Variants in NDUFS2 observed in about 807,000 individuals in gnomAD.
NDUFS2 encodes NADH dehydrogenase [ubiquinone] iron-sulfur protein 2, mitochondrial.
NDUFS2 carries 38 observed loss-of-function variants against 69.6 expected under a neutral mutation model. The ratio of observed to expected loss-of-function variants is 0.55; its 90% confidence interval spans 0.42 to 0.72. The LOEUF (loss-of-function observed/expected upper bound fraction) is 0.72, where lower values mean the gene tolerates loss of function less well. NDUFS2 is among the 30% of genes least tolerant of loss of function. NDUFS2 has a pLI of 0.00. For missense variants in NDUFS2, 468 were observed against 595.0 expected, an observed-to-expected ratio of 0.79 and a Z score of 2.22; for synonymous variants, 194 against 211.2, an observed-to-expected ratio of 0.92 and a Z score of 0.70.
At chr1:161,207,730 A>G (rs1258100485) in intron 3 of NDUFS2, among the ~76,000 whole-genome samples, 2 of 148,670 alleles carry the variant, frequency 1.3e-5, no homozygotes, top group African/African-American at 2.5e-5. Flanking sequence ...CTGTGTCTCA[A>G]AAAAAAAAAA....
intron 3 of NDUFS2, 59 bp from the exon 4 acceptor site, chr1:161,209,134 A>C: frequency 6.2e-7 from 1 of 1,613,332 alleles, no homozygotes; most frequent in East Asian, 2.2e-5. Flanking sequence ...GGCTTCAGGC[A>C]GCCAGACTGT....
At chr1:161,212,059 T>C (rs1343789331) in intron 9 of NDUFS2, among the ~76,000 whole-genome samples, 4 of 151,696 alleles carry the variant, frequency 2.6e-5, no homozygotes, top group African/African-American at 4.8e-5. Flanking sequence ...ACAAAAAATA[T>C]TCGGATGTGG....
intron 2 of NDUFS2, 83 bp downstream of exon 2, chr1:161,203,626 C>T (rs1263604815): frequency 3.5e-6 from 4 of 1,152,796 alleles, no homozygotes; most frequent in Admixed American, 3.9e-5. Flanking sequence ...GACAGGGTTT[C>T]CCTCTGTCTC....
chr1:161,209,554 G>T lies in NDUFS2; in HGVS notation c.586G>T (p.Ala196Ser). ...AVTTHALDLG[A>S]MTPFFWLFEE... ...GACCACACATGCCCTGGACCTTGGG[G>T]CCATGACCCCTTTCTTCTGGCTGTT... Residue 196 changes from alanine (A) to serine (S), a missense_variant, in exon 5 of 14, where the codon GCC (alanine) becomes TCC (serine). Ala to Ser is a moderately conservative substitution (Grantham distance 99, BLOSUM62 1). Coordinates refer to ENST00000676972, the MANE Select transcript of NDUFS2 (RefSeq NM_001377299.1). The T allele has an allele frequency of 6.2e-7, 1 of 1,613,412 alleles. No individual in the cohort carries two copies.
At chr1:161,206,193 A>G (rs1031087461) in intron 2 of NDUFS2, among the ~76,000 whole-genome samples, 6 of 152,180 alleles carry the variant, frequency 3.9e-5, no homozygotes, top group African/African-American at 1.4e-4. Context: ...TCTAGGAGAC[A>G]TAGAGTGAGA....
At chr1:161,200,912 C>T (rs1428818344), upstream of NDUFS2, among the ~76,000 whole-genome samples, 1 of 152,136 alleles carries the variant, frequency 6.6e-6, no homozygotes. Flanking sequence ...CTGCAGTGTC[C>T]TAGGCAGCCC....
intron 3 of NDUFS2, among the ~76,000 whole-genome samples, chr1:161,207,972 G>T (rs1305736674): frequency 5.1e-5 from 7 of 136,610 alleles, no homozygotes; most frequent in African/African-American, 1.5e-4. Context: ...ACCATGCCTG[G>T]CTAATTTTTT....
Position 161,210,668 on chromosome 1 carries a change from A to T in NDUFS2, c.944A>T (p.Glu315Val). The stretch of plus-strand genomic sequence containing the variant: ...CCCTATGATGTTTACGACCAGGTTG[A>T]GTTTGATGTTCCTGTTGGTTCTCGA... ...TQPYDVYDQVEFDVPVGSRGD... is the reference protein window; with the variant it reads ...TQPYDVYDQVVFDVPVGSRGD... The change falls in exon 9 of 14, where the codon GAG becomes GTG. Residue 315 changes from glutamate (E) to valine (V), a missense_variant. By Grantham distance (121) the Glu-to-Val change is moderately radical. This residue lies in a region of NDUFS2 where 339 missense variants were observed against 433.8 expected (regional missense o/e 0.78). Coordinates refer to ENST00000676972, the MANE Select transcript of NDUFS2 (RefSeq NM_001377299.1). 1 of 1,613,994 alleles carries T rather than the reference A, an allele frequency of 6.2e-7. No individual in the cohort carries two copies. Among genetic ancestry groups the T allele is most frequent in the Non-Finnish European group, 8.5e-7 (1 of 1,180,012 alleles).
chr1:161,213,821 T>C, intron 12 of NDUFS2, 43 bp from the exon 13 acceptor site: 1 of 1,612,784 alleles, frequency 6.2e-7, no homozygotes, highest in Non-Finnish European at 8.5e-7. Context: ...TCCTCCCACC[T>C]TGCAAGTCTT....
At chr1:161,201,216 A>G (rs1665102035), upstream of NDUFS2, among the ~76,000 whole-genome samples, 1 of 152,212 alleles carries the variant, frequency 6.6e-6, no homozygotes, top group African/African-American at 2.4e-5. Context: ...ACCCTTTGGT[A>G]CAGTTCCCAT....
At chr1:161,213,296 T>G (rs1665871893) in intron 10 of NDUFS2, 84 bp from the exon 11 acceptor site, 4 of 847,700 alleles carry the variant, frequency 4.7e-6, no homozygotes, top group East Asian at 5.2e-5. Context: ...TCCCTGAGGG[T>G]AGAGATTATT....
upstream of NDUFS2, among the ~76,000 whole-genome samples, chr1:161,200,072 T>A (rs962394006): frequency 6.6e-6 from 1 of 151,874 alleles, no homozygotes; most frequent in Non-Finnish European, 1.5e-5. Flanking sequence ...TCTGGGAGAA[T>A]CCCCACCTGG....
Position 161,209,550 on chromosome 1 carries a change from T to C in NDUFS2, c.582T>C (p.Leu194=), listed in dbSNP as rs1455100481. ...IMAVTTHALD[L]GAMTPFFWLF... ...CTGTGACCACACATGCCCTGGACCT[T>C]GGGGCCATGACCCCTTTCTTCTGGC... The change falls in exon 5 of 14, where the codon CTT becomes CTC. Residue 194 remains leucine, a synonymous_variant. Transcript: ENST00000676972. 6.2e-7 allele frequency: 1 copy of C among 1,613,202 alleles called. No homozygotes were observed. The highest frequency in any genetic ancestry group is 1.3e-5 in the African/African-American group (1 of 74,756).
intron 3 of NDUFS2, 103 bp downstream of exon 3, chr1:161,206,700 A>G (rs1026948101): frequency 8.0e-7 from 1 of 1,257,386 alleles, no homozygotes; most frequent in Non-Finnish European, 1.1e-6. Flanking sequence ...GAAGGTGTTG[A>G]GAGGAGTAAC....
chr1:161,208,299 T>A (rs1034672451), intron 3 of NDUFS2, among the ~76,000 whole-genome samples: 13 of 151,856 alleles, frequency 8.6e-5, no homozygotes, highest in Middle Eastern at 3.4e-3. Flanking sequence ...GTCAGTTTTT[T>A]AAATTTTTAT....
At chr1:161,198,450 C>T (rs771427107), upstream of NDUFS2, 2 of 1,577,400 alleles carry the variant, frequency 1.3e-6, no homozygotes, top group East Asian at 4.7e-5. This position sits in a 1 kb window ranked among gnomAD's most constrained non-coding sequence, Gnocchi z 4.7. Context: ...AACACGATCT[C>T]CTCCTCCCGG....
At chr1:161,206,682 G>A in intron 3 of NDUFS2, 85 bp downstream of exon 3, 1 of 1,428,046 alleles carries the variant, frequency 7.0e-7, no homozygotes, top group Non-Finnish European at 9.6e-7. Context: ...CTTAAAACGT[G>A]AGGGGAGGAA....
At chr1:161,210,238 A>C (rs199529604) in intron 7 of NDUFS2, 50 bp downstream of exon 7, 1 of 1,609,970 alleles carries the variant, frequency 6.2e-7, no homozygotes. Flanking sequence ...GAAGGGCTAG[A>C]GAAATACAGA....
chr1:161,206,373 A>G, intron 2 of NDUFS2, 34 bp from the exon 3 acceptor site: 1 of 1,611,036 alleles, frequency 6.2e-7, no homozygotes, highest in Non-Finnish European at 8.5e-7. Flanking sequence ...CAAGGGAATA[A>G]CCATGTGGCT....
Sources: gnomAD v4.1 joint callset for allele counts (sites outside exome capture counted in the v4.1 genomes callset) on GRCh38, gnomAD v4.1.1 for gene constraint, gnomAD v4.1.1 regional missense constraint, Gnocchi (gnomAD v3.1) non-coding constraint, MANE v1.5 for transcripts, NCBI Gene and HGNC (gene_info 2026-07-23, HGNC 2026-07-21) for gene names.